Variants in DPP6 observed in about 807,000 individuals in gnomAD.
DPP6 encodes the protein A-type potassium channel modulatory protein DPP6.
Under a neutral mutation model 122.6 loss-of-function variants are expected in DPP6, and 69 were observed. That is an observed-to-expected ratio of 0.56 (90% confidence interval 0.46 to 0.69). DPP6 has a LOEUF of 0.69. Ranked by LOEUF, DPP6 falls within the 30% of genes least tolerant of loss-of-function variation. The probability of loss-of-function intolerance (pLI) is 0.00; values close to 1 mark genes in which losing one functional copy is unlikely to be tolerated. For missense variants in DPP6, 928 were observed against 1,116.9 expected, an observed-to-expected ratio of 0.83 and a Z score of 2.41; for synonymous variants, 418 against 433.1, an observed-to-expected ratio of 0.97 and a Z score of 0.43.
intron 1 of DPP6, among the ~76,000 whole-genome samples, chr7:153,978,434 T>A (rs929086749): frequency 6.6e-6 from 1 of 152,224 alleles, no homozygotes; most frequent in African/African-American, 2.4e-5. Flanking sequence ...AGGTTCCTTG[T>A]AGATTCTGGA....
intron 6 of DPP6, among the ~76,000 whole-genome samples, chr7:154,643,467 CTTTTTTTTTT>C (rs61520162): frequency 3.4e-5 from 4 of 117,554 alleles, no homozygotes; most frequent in African/African-American, 9.5e-5. Context: ...TGAGTAATTT[CTTTTTTTTTT>C]TTTTTTTTTG....
intron 8 of DPP6, among the ~76,000 whole-genome samples, chr7:154,767,576 C>T (rs1795987353): frequency 6.6e-6 from 1 of 152,116 alleles, no homozygotes; most frequent in African/African-American, 2.4e-5. Context: ...CACTGACCTC[C>T]ACAGGCCTCT....
chr7:154,616,057 T>G (rs1214560824), intron 5 of DPP6, among the ~76,000 whole-genome samples: 1 of 152,192 alleles, frequency 6.6e-6, no homozygotes, highest in Non-Finnish European at 1.5e-5. Context: ...AAGGAGATTT[T>G]TGATAAGAAC....
chr7:154,177,600 T>C (rs1374959489), intron 1 of DPP6, among the ~76,000 whole-genome samples: 2 of 152,194 alleles, frequency 1.3e-5, no homozygotes, highest in African/African-American at 4.8e-5. Flanking sequence ...CATTGGAATA[T>C]GTGATGCTAA....
At chr7:154,365,558 C>T (rs893472543) in intron 1 of DPP6, among the ~76,000 whole-genome samples, 7 of 152,156 alleles carry the variant, frequency 4.6e-5, no homozygotes, top group African/African-American at 1.7e-4. Context: ...CAGCGTGGTC[C>T]ATTTATGCTC....
chr7:154,707,423 C>T (rs1018326876), intron 7 of DPP6, among the ~76,000 whole-genome samples: 5 of 152,064 alleles, frequency 3.3e-5, no homozygotes, highest in Admixed American at 1.3e-4. Flanking sequence ...ATGAAAGAAC[C>T]AAGCATTCTG....
At chr7:154,505,812 T>C (rs10249431) in intron 3 of DPP6, among the ~76,000 whole-genome samples, 41,731 of 152,006 alleles carry the variant, frequency 0.27, 5,936 homozygotes, top group Non-Finnish European at 0.31. Flanking sequence ...TTCTCTACTG[T>C]AACTACATTT....
intron 1 of DPP6, among the ~76,000 whole-genome samples, chr7:153,911,634 G>C (rs1692132028): frequency 1.3e-5 from 2 of 152,148 alleles, no homozygotes; most frequent in South Asian, 4.1e-4. Flanking sequence ...TTGGTAATTT[G>C]GTAATCACTG....
At chr7:154,795,370 C>T (rs963633526) in intron 11 of DPP6, among the ~76,000 whole-genome samples, 2 of 152,170 alleles carry the variant, frequency 1.3e-5, no homozygotes, top group Non-Finnish European at 2.9e-5. Flanking sequence ...ACTGTGAGAC[C>T]CACTTTTCCT....
At chr7:154,104,749 C>T (rs1806022078) in intron 1 of DPP6, among the ~76,000 whole-genome samples, 1 of 151,896 alleles carries the variant, frequency 6.6e-6, no homozygotes, top group Non-Finnish European at 1.5e-5. Flanking sequence ...ATAACATACA[C>T]TCAATGTAAG....
At chr7:154,026,635 C>T (rs1159185595) in intron 1 of DPP6, 2 of 151,984 alleles carry the variant, frequency 1.3e-5, no homozygotes, top group African/African-American at 4.8e-5. Context: ...TTTTCTCCAT[C>T]TGTGATGACA....
chr7:154,766,129 C>T (rs6959068), intron 8 of DPP6, among the ~76,000 whole-genome samples: 73,316 of 151,926 alleles, frequency 0.48, 17,795 homozygotes, highest in Non-Finnish European at 0.51. Flanking sequence ...TCAAGGACAC[C>T]TAGGGAAAAT....
At chr7:154,298,346 G>A (rs991076290) in intron 1 of DPP6, among the ~76,000 whole-genome samples, 6 of 151,724 alleles carry the variant, frequency 4.0e-5, no homozygotes, top group African/African-American at 1.5e-4. Flanking sequence ...TCATCTAGAA[G>A]GCTCCGGGGC....
At chr7:154,250,127 C>T (rs779923419) in intron 1 of DPP6, among the ~76,000 whole-genome samples, 2 of 152,054 alleles carry the variant, frequency 1.3e-5, no homozygotes, top group Non-Finnish European at 1.5e-5. Flanking sequence ...CAATTGATCA[C>T]GACCCTCTCA....
chr7:154,528,628 G>C (rs1038310307), intron 3 of DPP6, among the ~76,000 whole-genome samples: 9 of 152,202 alleles, frequency 5.9e-5, no homozygotes, highest in Admixed American at 5.2e-4. Context: ...TCAGGAAGCT[G>C]TGGCCTCTTC....
chr7:154,117,088 T>A (rs1020871790), intron 1 of DPP6, among the ~76,000 whole-genome samples: 9 of 152,162 alleles, frequency 5.9e-5, no homozygotes, highest in African/African-American at 2.2e-4. Context: ...AATTTCTTGC[T>A]TAGACTATCA....
chr7:154,149,003 C>T (rs941303039), intron 1 of DPP6, among the ~76,000 whole-genome samples: 3 of 152,180 alleles, frequency 2.0e-5, no homozygotes, highest in Admixed American at 2.0e-4. Flanking sequence ...AGCTAGAAAG[C>T]AGGAGGCAGT....
At chr7:154,889,148 G>C in intron 23 of DPP6, 124 bp from the exon 24 acceptor site, 1 of 1,430,932 alleles carries the variant, frequency 7.0e-7, no homozygotes, top group Non-Finnish European at 9.2e-7. Context: ...AGGCATCCCG[G>C]TTCTCCGGGA....
At chr7:153,794,430 C>T in the DPP6 span, among the ~76,000 whole-genome samples, 657 of 152,256 alleles carry the variant, frequency 4.3e-3, 5 homozygotes, top group Middle Eastern at 6.8e-3. Context: ...CACTTTCTTT[C>T]AGCCAATTTC....
Sources: allele counts gnomAD v4.1 joint callset (sites outside exome capture counted in the v4.1 genomes callset), GRCh38; gene constraint gnomAD v4.1.1; transcripts MANE v1.5; gene names NCBI Gene and HGNC (gene_info 2026-07-23, HGNC 2026-07-21).